The following OPRM1 variants were observed in gnomAD, a reference collection of about 807,000 sequenced individuals.
The protein encoded by OPRM1 is mu-type opioid receptor.
Under a neutral mutation model 31.8 loss-of-function variants are expected in OPRM1, and 27 were observed. The observed-to-expected ratio is 0.85, with a 90% confidence interval of 0.63 to 1.17. The LOEUF (loss-of-function observed/expected upper bound fraction) is 1.17, where lower values mean the gene tolerates loss of function less well. Ranked by LOEUF, OPRM1 falls within the 50% of genes most tolerant of loss-of-function variation. The probability of loss-of-function intolerance (pLI) is 0.00; values close to 1 mark genes in which losing one functional copy is unlikely to be tolerated. For synonymous variants in OPRM1, 196 were observed against 189.9 expected, an observed-to-expected ratio of 1.03 and a Z score of -0.26; for missense variants, 536 against 511.1, an observed-to-expected ratio of 1.05 and a Z score of -0.47.
chr6:154,089,832 C>G lies in OPRM1; in HGVS notation c.297C>G (p.Thr99=), dbSNP rs1266581300. 6.2e-7 allele frequency: 1 copy of G among 1,609,370 alleles called. No individual in the cohort carries two copies. Among genetic ancestry groups the G allele is most frequent in the Non-Finnish European group, 8.5e-7 (1 of 1,176,818 alleles). Residue 99 remains threonine (T), a synonymous_variant, in exon 2 of 4, where the codon ACC becomes ACG. Transcript: ENST00000330432. ...FLVMYVIVRY[T]KMKTATNIYI... ...TTCTTCCTTTATCTCCTAGATACAC[C>G]AAGATGAAGACTGCCACCAACATCT...
intron 3 of OPRM1, among the ~76,000 whole-genome samples, chr6:154,213,720 T>C (rs781113673): frequency 6.6e-6 from 1 of 152,200 alleles, no homozygotes; most frequent in Non-Finnish European, 1.5e-5. Context: ...TAGACTCCTG[T>C]AGCTTTTGAA....
At chr6:154,075,919 A>G (rs1334173234) in intron 1 of OPRM1, among the ~76,000 whole-genome samples, 1 of 152,152 alleles carries the variant, frequency 6.6e-6, no homozygotes, top group Non-Finnish European at 1.5e-5. Flanking sequence ...TAAAATGGGG[A>G]TGATGAAATG....
At chr6:154,064,779 G>T (rs1428796110) in intron 1 of OPRM1, among the ~76,000 whole-genome samples, 1 of 152,150 alleles carries the variant, frequency 6.6e-6, no homozygotes, top group Non-Finnish European at 1.5e-5. Context: ...TGGAACTCTT[G>T]TTGAAAATCA....
Position 154,041,459 on chromosome 6 carries a change from T to C in OPRM1, c.290+1625T>C, listed in dbSNP as rs144803751. Among the ~76,000 whole-genome samples, 488 of 152,330 alleles carry C rather than the reference T, an allele frequency of 3.2e-3. 3 individuals are homozygous for C. Among genetic ancestry groups the C allele is most frequent in the African/African-American group, 0.011 (455 of 41,584 alleles). On this transcript the variant is annotated intron_variant, in intron 1 of 3. Transcript: ENST00000330432. Reference sequence around the variant, plus strand: ...CCTGTTTTGTGAAGGGAAAATATGTTTCTCATTTTTTCTAAAAGAAATTCA... The same window carrying C: ...CCTGTTTTGTGAAGGGAAAATATGTCTCTCATTTTTTCTAAAAGAAATTCA...
intron 3 of OPRM1, among the ~76,000 whole-genome samples, chr6:154,115,544 G>GA (rs746292508): frequency 6.1e-4 from 92 of 151,776 alleles, no homozygotes; most frequent in Admixed American, 1.8e-3. Context: ...TGCCTCAAAA[G>GA]AAAAAAAGAG....
chr6:154,160,576 C>T (rs1486364472), intron 3 of OPRM1, among the ~76,000 whole-genome samples: 2 of 152,106 alleles, frequency 1.3e-5, no homozygotes, highest in African/African-American at 4.8e-5. Context: ...GGCTACTAAC[C>T]TTCCATCAAA....
At chr6:154,082,439 G>A (rs1423675518) in intron 1 of OPRM1, among the ~76,000 whole-genome samples, 1 of 152,052 alleles carries the variant, frequency 6.6e-6, no homozygotes, top group Non-Finnish European at 1.5e-5. Flanking sequence ...AATTTTACTA[G>A]TAGTCTAAAC....
chr6:154,141,398 T>C (rs924384664), intron 3 of OPRM1, among the ~76,000 whole-genome samples: 13 of 152,156 alleles, frequency 8.5e-5, no homozygotes, highest in African/African-American at 3.1e-4. Context: ...TATTTCCTCT[T>C]GGAGGCCTTG....
At position 154,168,570 on chromosome 6, in the gene OPRM1, G is replaced by A. The variant is rs910034674; in HGVS notation, c.1164+77098G>A. ...ATTCTGAGGTATTAGGGGTTAGGACGTCAACATACGAATTTTATTAATTAA... is the reference window on the plus strand; with the variant it reads ...ATTCTGAGGTATTAGGGGTTAGGACATCAACATACGAATTTTATTAATTAA... On this transcript the variant is annotated intron_variant, in intron 3 of 3. Transcript: ENST00000337049. This position sits in a 1 kb window ranked among gnomAD's most constrained non-coding sequence, Gnocchi z 4.1. Among the ~76,000 whole-genome samples, 5 of 152,120 alleles carry A rather than the reference G, an allele frequency of 3.3e-5. No homozygotes were observed. The highest frequency in any genetic ancestry group is 9.6e-5 in the African/African-American group (4 of 41,462).
chr6:154,107,698 T>G (rs916146411), intron 3 of OPRM1: 10 of 718,370 alleles, frequency 1.4e-5, no homozygotes, highest in Non-Finnish European at 2.6e-5. Context: ...GGTTAAAAGG[T>G]CAAGCTCCCA....
intron 3 of OPRM1, among the ~76,000 whole-genome samples, chr6:154,210,252 A>C (rs1314423797): frequency 2.0e-5 from 3 of 152,216 alleles, no homozygotes; most frequent in African/African-American, 7.2e-5. Flanking sequence ...CTGAGATACT[A>C]GTTTGCCATT....
intron 3 of OPRM1, among the ~76,000 whole-genome samples, chr6:154,143,386 C>A (rs1052336707): frequency 6.6e-6 from 1 of 152,202 alleles, no homozygotes; most frequent in Non-Finnish European, 1.5e-5. Flanking sequence ...CTACAGCACA[C>A]AGTCCTCTCT....
Position 154,059,420 on chromosome 6 carries a change from G to A in OPRM1, c.290+19586G>A, listed in dbSNP as rs370180643. Among the ~76,000 whole-genome samples, 53 of 152,296 alleles carry A rather than the reference G, an allele frequency of 3.5e-4. No individual in the cohort carries two copies. The East Asian group carries it at 8.3e-3, about 24-fold the overall frequency. The stretch of plus-strand genomic sequence containing the variant: ...AGCATCATTACTCAATGTGTGACTA[G>A]TGAGTGCTAATAATTCCTATCAGGA... On this transcript the variant is annotated intron_variant, in intron 1 of 3. Coordinates refer to ENST00000330432, the MANE Select transcript of OPRM1 (RefSeq NM_000914.5).
chr6:154,042,110 A>G lies in OPRM1; in HGVS notation c.290+2276A>G, dbSNP rs541578292. 2.0e-5 allele frequency among the ~76,000 whole-genome samples: 3 copies of G among 152,296 alleles called. No homozygotes were observed. In the East Asian group the frequency reaches 5.8e-4, roughly 29 times the overall value. On this transcript the variant is annotated intron_variant, in intron 1 of 3. Coordinates refer to ENST00000330432, the MANE Select transcript of OPRM1 (RefSeq NM_000914.5). ...GAAAGTTCTTACAAAATGCAGTACT[A>G]TTTGAAAGGTCATCCCAAACACCCA...
At chr6:154,107,811 G>A (rs1008710934) in intron 3 of OPRM1, 1 of 718,130 alleles carries the variant, frequency 1.4e-6, no homozygotes, top group African/African-American at 1.7e-5. Context: ...GGGCTTACAG[G>A]TGTTCCAAGC....
intron 3 of OPRM1, among the ~76,000 whole-genome samples, chr6:154,141,022 C>A (rs1316409443): frequency 6.6e-6 from 1 of 152,204 alleles, no homozygotes; most frequent in Non-Finnish European, 1.5e-5. Context: ...CAAGGCAAAA[C>A]CAGAATGTTC....
chr6:154,238,427 GTA>G (rs148667051), intron 3 of OPRM1, among the ~76,000 whole-genome samples: 4 of 150,176 alleles, frequency 2.7e-5, no homozygotes, highest in African/African-American at 4.9e-5. Flanking sequence ...GGCTAATTTT[GTA>G]TATATATATA....
At chr6:154,177,896 C>T (rs1800479893) in intron 3 of OPRM1, among the ~76,000 whole-genome samples, 1 of 152,154 alleles carries the variant, frequency 6.6e-6, no homozygotes. Flanking sequence ...ACCCAAATGT[C>T]CATCAATAAT....
intron 3 of OPRM1, among the ~76,000 whole-genome samples, chr6:154,212,127 A>G (rs534998225): frequency 1.1e-4 from 16 of 152,326 alleles, no homozygotes; most frequent in South Asian, 2.1e-4. Flanking sequence ...ACCTTCCCCA[A>G]TGATCATTGT....
Sources: gnomAD v4.1 joint callset for allele counts (sites outside exome capture counted in the v4.1 genomes callset) on GRCh38, gnomAD v4.1.1 for gene constraint, Gnocchi (gnomAD v3.1) non-coding constraint, MANE v1.5 for transcripts, NCBI Gene and HGNC (gene_info 2026-07-23, HGNC 2026-07-21) for gene names.